TMEM74B: variants seen among roughly 807,000 people sequenced by gnomAD.
TMEM74B encodes transmembrane protein C20orf46.
Under a neutral mutation model 6.5 loss-of-function variants are expected in TMEM74B, and 7 were observed. That is an observed-to-expected ratio of 1.07 (90% confidence interval 0.61 to 2.01). TMEM74B has a LOEUF of 2.01. Among genes scored for constraint, TMEM74B ranks in the 30% most tolerant of loss-of-function variants. The pLI is 0.00. For missense variants in TMEM74B, 342 were observed against 337.0 expected, an observed-to-expected ratio of 1.01 and a Z score of -0.12; for synonymous variants, 151 against 151.6, an observed-to-expected ratio of 1.00 and a Z score of 0.03.
At position 1,180,883 on chromosome 20, in the gene TMEM74B, C is replaced by G; in HGVS notation, c.736G>C (p.Val246Leu). The change falls in exon 3 of 3, where the codon GTC (valine) becomes CTC (leucine). Residue 246 changes from valine to leucine, a missense_variant. Coordinates refer to ENST00000429036, the MANE Select transcript of TMEM74B (RefSeq NM_001304748.2). This position sits in a 1 kb window ranked among gnomAD's most constrained non-coding sequence, Gnocchi z 6.1. ...QALVENEVVQVSETSHTLQRS is the reference protein window; with the variant it reads ...QALVENEVVQLSETSHTLQRS ...TGGAGGGTGTGGCTAGTCTCTGAGA[C>G]CTGGACAACTTCATTCTCCACCAGG... 3.1e-6 allele frequency: 5 copies of G among 1,607,906 alleles called. No homozygotes were observed. Among genetic ancestry groups the G allele is most frequent in the Non-Finnish European group, 4.3e-6 (5 of 1,176,282 alleles).
upstream of TMEM74B, chr20:1,185,410 C>G (rs1419757079): frequency 2.0e-5 from 3 of 151,290 alleles, no homozygotes; most frequent in African/African-American, 7.3e-5. Flanking sequence ...CCGCGCGGAG[C>G]TGTACGGCGG....
In TMEM74B at chr20:1,181,011, T is replaced by C. The variant is rs2086847572; in HGVS notation, c.608A>G (p.Glu203Gly). ...VLLMVSLCKG[E>G]LYRRRTFVPG... ...GACGAAGGTCCTCCGGCGGTACAGC[T>C]CGCCCTTGCACAGGGAGACCATGAG... The change falls in exon 3 of 3, where the codon GAG becomes GGG. Residue 203 changes from glutamate (E) to glycine (G), a missense_variant. By Grantham distance (98) the Glu-to-Gly change is moderately conservative. Coordinates refer to ENST00000429036, the MANE Select transcript of TMEM74B (RefSeq NM_001304748.2). This position sits in a 1 kb window ranked among gnomAD's most constrained non-coding sequence, Gnocchi z 4.9. The C allele has an allele frequency of 1.2e-6, 2 of 1,613,878 alleles. No homozygotes were observed. The highest frequency in any genetic ancestry group is 2.2e-5 in the East Asian group (1 of 44,846).
chr20:1,182,664 C>T (rs1028081581), intron 2 of TMEM74B, among the ~76,000 whole-genome samples: 3 of 152,020 alleles, frequency 2.0e-5, no homozygotes, highest in Non-Finnish European at 2.9e-5. Context: ...GAGGGAGAGG[C>T]GAGAAGAGGG....
In TMEM74B at chr20:1,180,922, C is replaced by T. The variant is rs2086843457; in HGVS notation, c.697G>A (p.Asp233Asn). Residue 233 changes from aspartate to asparagine, a missense_variant, in exon 3 of 3, where the codon GAT becomes AAT. Transcript: ENST00000429036. The surrounding 1 kb of genome is among the most constrained non-coding windows in gnomAD (Gnocchi z 6.1). Reference sequence around the variant, plus strand: ...TTCTCCACCAGGGCCTGGCCCCCATCCCCATTGAGCTGTCTCATGCGCAGG... The same window carrying T: ...TTCTCCACCAGGGCCTGGCCCCCATTCCCATTGAGCTGTCTCATGCGCAGG... ...INLRMRQLNGDGGQALVENEV... is the reference protein window; with the variant it reads ...INLRMRQLNGNGGQALVENEV... 6.2e-7 allele frequency: 1 copy of T among 1,613,602 alleles called. No homozygotes were observed. The highest frequency in any genetic ancestry group is 8.5e-7 in the Non-Finnish European group (1 of 1,179,748).
chr20:1,181,503 C>T lies in TMEM74B; in HGVS notation c.116G>A (p.Gly39Asp). ...AGCTGATCTCCTTGGGGCTTGGGGACCATTGCTCAGTGTCTTCAGTTCCAG... is the reference window on the plus strand; with the variant it reads ...AGCTGATCTCCTTGGGGCTTGGGGATCATTGCTCAGTGTCTTCAGTTCCAG... ...PGLELKTLSN[G>D]PQAPRRSAPL... The change falls in exon 3 of 3, where the codon GGT becomes GAT. Residue 39 changes from glycine to aspartate, a missense_variant. Physicochemically the swap from Gly to Asp is moderately conservative, Grantham distance 94 (BLOSUM62 -1). Coordinates refer to ENST00000429036, the MANE Select transcript of TMEM74B (RefSeq NM_001304748.2). The surrounding 1 kb of genome is among the most constrained non-coding windows in gnomAD (Gnocchi z 4.9). The T allele has an allele frequency of 6.6e-7, 1 of 1,505,206 alleles. No individual in the cohort carries two copies. Among genetic ancestry groups the T allele is most frequent in the East Asian group, 2.3e-5 (1 of 42,740 alleles). The allele number at this position is 1,505,206 out of a possible 1,614,324, so 93.2% of individuals were successfully genotyped here.
At chr20:1,182,528 G>A (rs188013498) in intron 2 of TMEM74B, among the ~76,000 whole-genome samples, 15 of 148,188 alleles carry the variant, frequency 1.0e-4, no homozygotes, top group Admixed American at 2.7e-4. Context: ...AGCAGGTTGG[G>A]GATGGCATGG....
Position 1,181,538 on chromosome 20 carries a change from A to T in TMEM74B, c.81T>A (p.Ser27=), listed in dbSNP as rs760815074. 1 of 1,477,902 alleles carries T rather than the reference A, an allele frequency of 6.8e-7. No homozygotes were observed. The highest frequency in any genetic ancestry group is 1.5e-5 in the South Asian group (1 of 68,040). The allele number at this position is 1,477,902 out of a possible 1,614,324, so 91.5% of individuals were successfully genotyped here. A position where few individuals can be genotyped will look rare whatever the true frequency, so the allele number is the denominator to read the frequency against. ...DELGPSFPMA[S]PPGLELKTLS... is the part of the protein sequence containing the mutation. ...GTGTCTTCAGTTCCAGACCAGGGGG[A>T]GATGCCATTGGGAAGGAGGGCCCCA... Residue 27 remains serine (S), a synonymous_variant, in exon 3 of 3, where the codon TCT becomes TCA. Transcript: ENST00000429036. The surrounding 1 kb of genome is among the most constrained non-coding windows in gnomAD (Gnocchi z 4.9).
At chr20:1,183,007 GC>G (rs1255538854) in intron 2 of TMEM74B, among the ~76,000 whole-genome samples, 6 of 152,166 alleles carry the variant, frequency 3.9e-5, no homozygotes, top group African/African-American at 1.4e-4. Flanking sequence ...GGGCTCTTAG[GC>G]AGATCTAGCC....
chr20:1,183,903 G>C lies in TMEM74B; in HGVS notation c.-102C>G. 1 of 1,409,264 alleles carries C rather than the reference G, an allele frequency of 7.1e-7. No individual in the cohort carries two copies. The highest frequency in any genetic ancestry group is 9.8e-7 in the Non-Finnish European group (1 of 1,016,144). The allele number at this position is 1,409,264 out of a possible 1,614,324, so 87.3% of individuals were successfully genotyped here. A position where few individuals can be genotyped will look rare whatever the true frequency, so the allele number is the denominator to read the frequency against. On this transcript the variant is annotated 5_prime_UTR_variant, in exon 2 of 3. Transcript: ENST00000429036. ...GTGAGCACCTTGAGAGCAGGCATAA[G>C]TTTGAATTCCATCTGGGTCCCCAGC... is the stretch of plus-strand genomic sequence containing the variant.
At chr20:1,183,318 G>T (rs867803305) in intron 2 of TMEM74B, among the ~76,000 whole-genome samples, 222 of 126,702 alleles carry the variant, frequency 1.8e-3, no homozygotes, top group African/African-American at 5.1e-3. Flanking sequence ...GTGTGTGTTT[G>T]TGTGTGTGTG....
chr20:1,186,693 C>T (rs1034082284), upstream of TMEM74B, among the ~76,000 whole-genome samples: 1 of 152,272 alleles, frequency 6.6e-6, no homozygotes, highest in Admixed American at 6.5e-5. Flanking sequence ...GTGCAGCCCT[C>T]CCCAACCAGG....
upstream of TMEM74B, among the ~76,000 whole-genome samples, chr20:1,187,970 G>A (rs932373459): frequency 6.6e-6 from 1 of 152,102 alleles, no homozygotes; most frequent in Non-Finnish European, 1.5e-5. Context: ...CTGTTTCCTG[G>A]AAACAGATAA....
upstream of TMEM74B, among the ~76,000 whole-genome samples, chr20:1,187,736 G>A (rs1399876205): frequency 2.0e-5 from 3 of 152,174 alleles, no homozygotes; most frequent in South Asian, 2.1e-4. Context: ...AGTGTGTGAC[G>A]AGTTTGAGAG....
upstream of TMEM74B, among the ~76,000 whole-genome samples, chr20:1,188,155 TACACAC>T (rs138460101): frequency 0.022 from 3,061 of 141,224 alleles, 114 homozygotes; most frequent in African/African-American, 0.074. Context: ...ATATATATAA[TACACAC>T]ACACACACAC....
At position 1,180,888 on chromosome 20, in the gene TMEM74B, A is replaced by C; in HGVS notation, c.731T>G (p.Val244Gly). Reference sequence around the variant, plus strand: ...GGTGTGGCTAGTCTCTGAGACCTGGACAACTTCATTCTCCACCAGGGCCTG... The same window carrying C: ...GGTGTGGCTAGTCTCTGAGACCTGGCCAACTTCATTCTCCACCAGGGCCTG... Reference protein sequence around the residue: ...GGQALVENEVVQVSETSHTLQ... With the variant: ...GGQALVENEVGQVSETSHTLQ... The change falls in exon 3 of 3, where the codon GTC becomes GGC. Residue 244 changes from valine (V) to glycine (G), a missense_variant. Physicochemically the swap from Val to Gly is moderately radical, Grantham distance 109 (BLOSUM62 -3). Coordinates refer to ENST00000429036, the MANE Select transcript of TMEM74B (RefSeq NM_001304748.2). The surrounding 1 kb of genome is among the most constrained non-coding windows in gnomAD (Gnocchi z 6.1). 6.2e-7 allele frequency: 1 copy of C among 1,609,164 alleles called. No individual in the cohort carries two copies.
chr20:1,185,817 C>T (rs1271842638), upstream of TMEM74B, among the ~76,000 whole-genome samples: 5 of 131,370 alleles, frequency 3.8e-5, no homozygotes, highest in East Asian at 8.5e-4. Flanking sequence ...ACTTCCCCTT[C>T]CCCCCACCCC....
chr20:1,183,666 CTG>C, intron 2 of TMEM74B, 103 bp downstream of exon 2: 3 of 1,403,120 alleles, frequency 2.1e-6, no homozygotes, highest in Non-Finnish European at 3.0e-6. Flanking sequence ...TCCGGAATTA[CTG>C]TCTCTATTTC....
At chr20:1,186,140 G>C (rs928133720), upstream of TMEM74B, 1 of 152,142 alleles carries the variant, frequency 6.6e-6, no homozygotes, top group Non-Finnish European at 1.5e-5. Flanking sequence ...TACCCCACGG[G>C]CCCCTCCATC....
At position 1,181,674 on chromosome 20, in the gene TMEM74B, T is replaced by G; in HGVS notation, c.32-87A>C. On this transcript the variant is annotated intron_variant, in intron 2 of 2. Transcript: ENST00000429036. This position sits in a 1 kb window ranked among gnomAD's most constrained non-coding sequence, Gnocchi z 4.9. ...ATACCAGTCCCTAAGCACATGAAGG[T>G]GAGTCAGGCACAATTCCCACTTGGG... The G allele has an allele frequency of 7.3e-7, 1 of 1,362,974 alleles. No individual in the cohort carries two copies. The highest frequency in any genetic ancestry group is 9.5e-7 in the Non-Finnish European group (1 of 1,056,982). The allele number at this position is 1,362,974 out of a possible 1,614,324, so 84.4% of individuals were successfully genotyped here. A position where few individuals can be genotyped will look rare whatever the true frequency, so the allele number is the denominator to read the frequency against.
Sources: allele counts gnomAD v4.1 joint callset (sites outside exome capture counted in the v4.1 genomes callset), GRCh38; gene constraint gnomAD v4.1.1; non-coding constraint Gnocchi (gnomAD v3.1); transcripts MANE v1.5; gene names NCBI Gene and HGNC (gene_info 2026-07-23, HGNC 2026-07-21).